GRID1: variants seen among roughly 807,000 people sequenced by gnomAD.
GRID1 encodes the protein glutamate receptor ionotropic, delta-1.
In GRID1, 28 loss-of-function variants were observed where a neutral mutation model predicts 98.0. The ratio of observed to expected loss-of-function variants is 0.29; its 90% confidence interval spans 0.21 to 0.39. The LOEUF is 0.39. GRID1 is among the 10% of genes least tolerant of loss of function. The probability of loss-of-function intolerance (pLI) is 1.00; values close to 1 mark genes in which losing one functional copy is unlikely to be tolerated. For synonymous variants in GRID1, 553 were observed against 538.5 expected (o/e 1.03, Z -0.37); for missense variants, 1,111 against 1,340.5 (o/e 0.83, Z 2.67).
chr10:85,827,500 A>G (rs7073958), intron 8 of GRID1, among the ~76,000 whole-genome samples: 22,365 of 152,126 alleles, frequency 0.15, 1,891 homozygotes, highest in African/African-American at 0.21. Context: ...TGAAGAGACC[A>G]AATCTATGAC....
intron 2 of GRID1, among the ~76,000 whole-genome samples, chr10:86,223,713 C>T (rs897014962): frequency 6.6e-6 from 1 of 152,236 alleles, no homozygotes; most frequent in Non-Finnish European, 1.5e-5. Flanking sequence ...AATCCCCAGC[C>T]CAGCTTGGGT....
intron 12 of GRID1, among the ~76,000 whole-genome samples, chr10:85,677,639 C>T (rs897911145): frequency 2.0e-5 from 3 of 152,188 alleles, no homozygotes; most frequent in Non-Finnish European, 4.4e-5. Flanking sequence ...TTTCAGCCCA[C>T]CAAGGTTGTA....
intron 8 of GRID1, among the ~76,000 whole-genome samples, chr10:85,763,572 C>T (rs1031289660): frequency 2.0e-5 from 3 of 152,230 alleles, no homozygotes; most frequent in African/African-American, 7.2e-5. Flanking sequence ...AAAACATGAC[C>T]TGCAGACATC....
rs150399475 is a variant in GRID1, at chr10:86,183,651, G to A, written c.520+22713C>T. ...TGGGATTACAGGCGTGAGCCACCAC[G>A]CCCAGCCCAAAATGTTTTAATTCAT... On this transcript the variant is annotated intron_variant, in intron 3 of 15. Coordinates refer to ENST00000327946, the MANE Select transcript of GRID1 (RefSeq NM_017551.3). Among the ~76,000 whole-genome samples, 405 of 152,272 alleles carry A rather than the reference G, an allele frequency of 2.7e-3. 5 individuals are homozygous for A. The highest frequency in any genetic ancestry group is 9.4e-3 in the African/African-American group (392 of 41,548).
intron 4 of GRID1, among the ~76,000 whole-genome samples, chr10:86,061,796 C>T (rs1331609555): frequency 2.6e-5 from 4 of 152,212 alleles, no homozygotes; most frequent in Non-Finnish European, 5.9e-5. Flanking sequence ...ATTCACCTCT[C>T]TATGTCACGA....
At chr10:85,835,133 T>G (rs921938690) in intron 8 of GRID1, among the ~76,000 whole-genome samples, 2 of 152,044 alleles carry the variant, frequency 1.3e-5, no homozygotes, top group African/African-American at 4.8e-5. Flanking sequence ...GACATAATGA[T>G]CCTAAATGTG....
chr10:86,053,573 G>T (rs1219376816), intron 4 of GRID1, among the ~76,000 whole-genome samples: 2 of 151,860 alleles, frequency 1.3e-5, no homozygotes, highest in African/African-American at 4.8e-5. Flanking sequence ...TGTTGGCCAG[G>T]CTGGTCTCGA....
At chr10:85,638,004 A>G (rs1843070253) in intron 13 of GRID1, among the ~76,000 whole-genome samples, 1 of 152,234 alleles carries the variant, frequency 6.6e-6, no homozygotes, top group Non-Finnish European at 1.5e-5. Flanking sequence ...AACAGTGTTT[A>G]GAGGGAAGTT....
intron 4 of GRID1, among the ~76,000 whole-genome samples, chr10:86,125,672 T>TC (rs1418674605): frequency 6.6e-6 from 1 of 152,024 alleles, no homozygotes; most frequent in Non-Finnish European, 1.5e-5. Context: ...CTCTCCTTCC[T>TC]CCCCTTATCC....
intron 8 of GRID1, among the ~76,000 whole-genome samples, chr10:85,786,166 G>A (rs1386563278): frequency 1.3e-5 from 2 of 152,158 alleles, no homozygotes; most frequent in Non-Finnish European, 2.9e-5. Flanking sequence ...CAGAGGCAGT[G>A]AGACCTGATT....
At chr10:86,081,302 T>A (rs1177914825) in intron 4 of GRID1, among the ~76,000 whole-genome samples, 1 of 152,160 alleles carries the variant, frequency 6.6e-6, no homozygotes, top group African/African-American at 2.4e-5. Context: ...GGTATTACAG[T>A]GTGCCTGAGA....
intron 2 of GRID1, among the ~76,000 whole-genome samples, chr10:86,293,724 G>A: frequency 6.6e-6 from 1 of 152,206 alleles, no homozygotes; most frequent in South Asian, 2.1e-4. Context: ...AGGGAGGGGT[G>A]GGGGAGGAGA....
chr10:85,851,022 C>A (rs781086249), intron 8 of GRID1, among the ~76,000 whole-genome samples: 24 of 152,174 alleles, frequency 1.6e-4, no homozygotes, highest in Non-Finnish European at 3.2e-4. Context: ...CTACAGGTGG[C>A]CCTGACAGAT....
At chr10:86,298,094 A>C (rs1847621388) in intron 2 of GRID1, among the ~76,000 whole-genome samples, 1 of 152,248 alleles carries the variant, frequency 6.6e-6, no homozygotes, top group Non-Finnish European at 1.5e-5. Flanking sequence ...GACTGCTTCA[A>C]AAAGATGTTC....
At chr10:86,139,082 G>A (rs34013482) in intron 3 of GRID1, 58 bp from the exon 4 acceptor site, 174,675 of 1,228,880 alleles carry the variant, frequency 0.14, 13,932 homozygotes, top group African/African-American at 0.25. Flanking sequence ...GAATGCACCC[G>A]GGAGGGTGTC....
intron 3 of GRID1, among the ~76,000 whole-genome samples, chr10:86,158,932 C>T (rs996147305): frequency 6.6e-6 from 1 of 152,240 alleles, no homozygotes; most frequent in South Asian, 2.1e-4. Context: ...CTCACTCTGT[C>T]GCCCAGGCTG....
At chr10:85,773,786 C>G (rs980419755) in intron 8 of GRID1, among the ~76,000 whole-genome samples, 3 of 152,136 alleles carry the variant, frequency 2.0e-5, no homozygotes, top group Non-Finnish European at 2.9e-5. Flanking sequence ...AGGACCTCTT[C>G]AAGGAGAACT....
intron 12 of GRID1, 54 bp downstream of exon 12, chr10:85,722,949 C>T: frequency 6.6e-7 from 1 of 1,520,820 alleles, no homozygotes; most frequent in Non-Finnish European, 8.9e-7. Flanking sequence ...GGTTTACATC[C>T]TCTTTAAAGC....
intron 2 of GRID1, among the ~76,000 whole-genome samples, chr10:86,340,557 G>T (rs1038058367): frequency 6.6e-6 from 1 of 152,132 alleles, no homozygotes; most frequent in Non-Finnish European, 1.5e-5. Flanking sequence ...CATGCACTTG[G>T]GAACTCTGCA....
Sources: gnomAD v4.1 joint callset for allele counts (sites outside exome capture counted in the v4.1 genomes callset) on GRCh38, gnomAD v4.1.1 for gene constraint, MANE v1.5 for transcripts, NCBI Gene and HGNC (gene_info 2026-07-23, HGNC 2026-07-21) for gene names.